Variants in C2CD2 observed in about 807,000 individuals in gnomAD.
C2CD2 encodes C2 domain-containing protein 2.
C2CD2 carries 43 observed loss-of-function variants against 74.3 expected under a neutral mutation model. That is an observed-to-expected ratio of 0.58 (90% confidence interval 0.45 to 0.75). The LOEUF (loss-of-function observed/expected upper bound fraction) is 0.75, where lower values mean the gene tolerates loss of function less well. Among genes scored for constraint, C2CD2 ranks in the 30% least tolerant of loss-of-function variants. The pLI is 0.00. For missense variants in C2CD2, 801 were observed against 916.3 expected (o/e 0.87, Z 1.63); for synonymous variants, 422 against 390.7 (o/e 1.08, Z -0.94).
intron 13 of C2CD2, among the ~76,000 whole-genome samples, chr21:41,898,134 G>T (rs2064845684): frequency 6.6e-6 from 1 of 152,238 alleles, no homozygotes. Context: ...ATGGTCTCAG[G>T]ACATCCTGAG....
chr21:41,933,921 G>C (rs1031454583), intron 2 of C2CD2, among the ~76,000 whole-genome samples: 1 of 152,176 alleles, frequency 6.6e-6, no homozygotes, highest in South Asian at 2.1e-4. Context: ...GAGCTACGTG[G>C]AAAATTGTTG....
At chr21:41,931,620 A>C (rs1172750796) in intron 2 of C2CD2, among the ~76,000 whole-genome samples, 1 of 149,810 alleles carries the variant, frequency 6.7e-6, no homozygotes, top group Non-Finnish European at 1.5e-5. Flanking sequence ...ACGGGGTTTC[A>C]CCATGTTGGC....
rs1295697448 is a variant in C2CD2 at position 41,922,058 on chromosome 21, C to T, written c.406G>A (p.Ala136Thr). ...GTCTCGCTGACCAAGAACTGAATAG[C>T]CTGGCCCACCACGTGACAGACCACC... ...KVVVCHVVGQAIQFLVSETPA... is the reference protein window; with the variant it reads ...KVVVCHVVGQTIQFLVSETPA... Residue 136 changes from alanine to threonine, a missense_variant, in exon 3 of 14, where the codon GCT becomes ACT. Physicochemically the swap from Ala to Thr is moderately conservative, Grantham distance 58. Transcript: ENST00000380486. 6.2e-7 allele frequency: 1 copy of T among 1,613,676 alleles called. No homozygotes were observed. Among genetic ancestry groups the T allele is most frequent in the Non-Finnish European group, 8.5e-7 (1 of 1,179,702 alleles).
chr21:41,893,517 G>A (rs1328907988), intron 13 of C2CD2, among the ~76,000 whole-genome samples: 1 of 152,044 alleles, frequency 6.6e-6, no homozygotes, highest in African/African-American at 2.4e-5. Flanking sequence ...CTCACTCCGG[G>A]CTCCAGTCTG....
chr21:41,907,142 A>G lies in C2CD2; in HGVS notation c.1168T>C (p.Leu390=), dbSNP rs533040436. Residue 390 remains leucine, a synonymous_variant, in exon 10 of 14, where the codon TTG becomes CTG. Coordinates refer to ENST00000380486, the MANE Select transcript of C2CD2 (RefSeq NM_015500.2). ...AEFSYMEPGE[L]KSWPIPPPVP... ...GGGGGAGGGATGGGCCAGGATTTCA[A>G]TTCACCAGGTTCCATGTAAGAGAAC... is the stretch of plus-strand genomic sequence containing the variant. The G allele has an allele frequency of 1.9e-6, 3 of 1,614,140 alleles. No homozygotes were observed. Among genetic ancestry groups the G allele is most frequent in the Middle Eastern group, 1.6e-4 (1 of 6,062 alleles).
intron 2 of C2CD2, among the ~76,000 whole-genome samples, chr21:41,922,473 C>A (rs1317595578): frequency 7.5e-6 from 1 of 133,014 alleles, no homozygotes; most frequent in Non-Finnish European, 1.6e-5. Context: ...CTGCCATAGG[C>A]ATCTTTTTTT....
rs1033512485 is a variant in C2CD2 at position 41,885,255 on chromosome 21, A to G, written c.*3869T>C. 1 of 152,206 alleles carries G rather than the reference A, an allele frequency of 6.6e-6. No homozygotes were observed. The highest frequency in any genetic ancestry group is 2.4e-5 in the African/African-American group (1 of 41,440). 9.4% of individuals were successfully genotyped at this position (152,206 alleles called of 1,614,324 possible). A position where few individuals can be genotyped will look rare whatever the true frequency, so the allele number is the denominator to read the frequency against. The stretch of plus-strand genomic sequence containing the variant: ...TAAAGTGCTACTGAGGAATACAATC[A>G]TTGTCACGTAAGTTCATCACCGCAC... On this transcript the variant is annotated 3_prime_UTR_variant, in exon 14 of 14. Coordinates refer to ENST00000380486, the MANE Select transcript of C2CD2 (RefSeq NM_015500.2).
At position 41,926,376 on chromosome 21, in the gene C2CD2, A is replaced by G. The variant is rs1196506735; in HGVS notation, c.379-4291T>C. ...CTATTCACGGTAAGTCAGGGTCTCC[A>G]CATGGAAAGGCCAAGGGGGGACTCA... On this transcript the variant is annotated intron_variant, in intron 2 of 13. Coordinates refer to ENST00000380486, the MANE Select transcript of C2CD2 (RefSeq NM_015500.2). This position sits in a 1 kb window ranked among gnomAD's most constrained non-coding sequence, Gnocchi z 8.0. 2 of 961,692 alleles carry G rather than the reference A, an allele frequency of 2.1e-6. No individual in the cohort carries two copies. Among genetic ancestry groups the G allele is most frequent in the East Asian group, 1.1e-4 (1 of 8,712 alleles). 59.6% of individuals were successfully genotyped at this position (961,692 alleles called of 1,614,324 possible). A position where few individuals can be genotyped will look rare whatever the true frequency, so the allele number is the denominator to read the frequency against.
intron 12 of C2CD2, 161 bp downstream of exon 12, chr21:41,901,461 C>T: frequency 1.3e-6 from 1 of 755,044 alleles, no homozygotes; most frequent in Non-Finnish European, 2.3e-6. Context: ...CACAACACCA[C>T]ACATGACTCC....
intron 11 of C2CD2, 140 bp from the exon 12 acceptor site, chr21:41,901,889 C>T: frequency 1.4e-6 from 1 of 734,452 alleles, no homozygotes; most frequent in Non-Finnish European, 2.3e-6. Flanking sequence ...ATTGTTTAGG[C>T]TTTGTTGGTG....
At chr21:41,914,162 G>A (rs1411163474) in intron 6 of C2CD2, among the ~76,000 whole-genome samples, 1 of 152,072 alleles carries the variant, frequency 6.6e-6, no homozygotes, top group African/African-American at 2.4e-5. Context: ...GGAGGTGGAG[G>A]TTGTAGTGAG....
chr21:41,942,345 T>C, intron 1 of C2CD2, 100 bp from the exon 2 acceptor site: 2 of 883,240 alleles, frequency 2.3e-6, no homozygotes, highest in Non-Finnish European at 3.5e-6. Flanking sequence ...GAAAATGTAC[T>C]AACACATCTT....
intron 12 of C2CD2, chr21:41,900,887 A>C (rs185100653): frequency 6.6e-6 from 1 of 152,396 alleles, no homozygotes; most frequent in Admixed American, 6.5e-5. Flanking sequence ...GCTTGAGCCC[A>C]GGAGTTCAAG....
chr21:41,938,096 T>G (rs1410541379), intron 2 of C2CD2, among the ~76,000 whole-genome samples: 1 of 152,132 alleles, frequency 6.6e-6, no homozygotes, highest in African/African-American at 2.4e-5. Flanking sequence ...GAGTAGATTT[T>G]AAATTTCTAA....
chr21:41,941,396 A>C (rs56094198), intron 2 of C2CD2, among the ~76,000 whole-genome samples: 1 of 152,044 alleles, frequency 6.6e-6, no homozygotes, highest in Non-Finnish European at 1.5e-5. Context: ...GAGAGAGAAA[A>C]TGTCTTAGGA....
chr21:41,937,827 T>C (rs1601599048), intron 2 of C2CD2, among the ~76,000 whole-genome samples: 1 of 152,124 alleles, frequency 6.6e-6, no homozygotes, highest in South Asian at 2.1e-4. Flanking sequence ...CTGGAGAACA[T>C]TATGTTAAGG....
chr21:41,915,196 A>C (rs967189587), intron 5 of C2CD2, among the ~76,000 whole-genome samples: 2 of 152,150 alleles, frequency 1.3e-5, no homozygotes, highest in African/African-American at 4.8e-5. Context: ...CCACCTCCAC[A>C]CAGAGTCCAA....
At chr21:41,943,175 T>C (rs1037607232) in intron 1 of C2CD2, among the ~76,000 whole-genome samples, 1 of 152,108 alleles carries the variant, frequency 6.6e-6, no homozygotes, top group Non-Finnish European at 1.5e-5. Context: ...GTGGCACACG[T>C]GTAATCCCAG....
chr21:41,921,223 G>A (rs1178794953), intron 3 of C2CD2, among the ~76,000 whole-genome samples: 1 of 152,204 alleles, frequency 6.6e-6, no homozygotes, highest in Non-Finnish European at 1.5e-5. Context: ...CAAGTCCAAG[G>A]ACACGGGACA....
Sources: allele counts gnomAD v4.1 joint callset (sites outside exome capture counted in the v4.1 genomes callset), GRCh38; gene constraint gnomAD v4.1.1; non-coding constraint Gnocchi (gnomAD v3.1); transcripts MANE v1.5; gene names NCBI Gene and HGNC (gene_info 2026-07-23, HGNC 2026-07-21).